The following RAB7A variants were observed in gnomAD, a reference collection of about 807,000 sequenced individuals.
RAB7A encodes ras-related protein Rab-7a.
A neutral mutation model predicts 24.5 loss-of-function variants in RAB7A; 2 were observed. The ratio of observed to expected loss-of-function variants is 0.08; its 90% CI spans 0.03 to 0.26. The LOEUF (loss-of-function observed/expected upper bound fraction) is 0.26. Among genes scored for constraint, RAB7A ranks in the 10% least tolerant of loss-of-function variants. RAB7A has a pLI of 1.00. For missense variants in RAB7A, 118 were observed against 255.7 expected, an observed-to-expected ratio of 0.46 and a Z score of 3.67; for synonymous variants, 100 against 95.9, an observed-to-expected ratio of 1.04 and a Z score of -0.25.
chr3:128,774,328 T>A (rs538675858), intron 1 of RAB7A, among the ~76,000 whole-genome samples: 2 of 152,046 alleles, frequency 1.3e-5, no homozygotes, highest in African/African-American at 2.4e-5. Context: ...ATGGCCAAAA[T>A]TTTTGATTCC....
intron 1 of RAB7A, among the ~76,000 whole-genome samples, chr3:128,768,863 G>C (rs532186792): frequency 1.3e-4 from 19 of 150,854 alleles, no homozygotes; most frequent in African/African-American, 4.4e-4. Context: ...CCAGCCTAAA[G>C]TGTGTGCAGT....
chr3:128,796,575 C>G (rs1371244024), intron 2 of RAB7A, among the ~76,000 whole-genome samples: 2 of 152,192 alleles, frequency 1.3e-5, no homozygotes, highest in African/African-American at 4.8e-5. Context: ...TGCAGGTATG[C>G]TTCTTTATTC....
chr3:128,801,693 G>A (rs993012096), intron 3 of RAB7A, among the ~76,000 whole-genome samples: 9 of 152,110 alleles, frequency 5.9e-5, no homozygotes, highest in Admixed American at 3.9e-4. Context: ...ATAAGTGAAA[G>A]TGAGAAGGTT....
chr3:128,755,578 T>C (rs1393379638), intron 1 of RAB7A, among the ~76,000 whole-genome samples: 1 of 152,166 alleles, frequency 6.6e-6, no homozygotes, highest in African/African-American at 2.4e-5. Context: ...GACAATCCCT[T>C]ACCTAGATTG....
At chr3:128,809,945 T>C (rs1160471064) in intron 5 of RAB7A, among the ~76,000 whole-genome samples, 2 of 83,362 alleles carry the variant, frequency 2.4e-5, no homozygotes, top group Non-Finnish European at 5.3e-5. Flanking sequence ...TCTTTTTTTT[T>C]TTTTTTTTTT....
intron 5 of RAB7A, among the ~76,000 whole-genome samples, chr3:128,810,161 G>T (rs1933895439): frequency 6.6e-6 from 1 of 151,448 alleles, no homozygotes; most frequent in African/African-American, 2.4e-5. Flanking sequence ...ATGTTGGCCA[G>T]GCTGGTCTGG....
chr3:128,788,267 G>C (rs1395083063), intron 1 of RAB7A, among the ~76,000 whole-genome samples: 1 of 152,208 alleles, frequency 6.6e-6, no homozygotes, highest in Non-Finnish European at 1.5e-5. Flanking sequence ...CTCTTGAAGT[G>C]AAAAGGTAAA....
At chr3:128,764,931 G>C (rs1344960575) in intron 1 of RAB7A, 4 of 1,593,192 alleles carry the variant, frequency 2.5e-6, no homozygotes, top group African/African-American at 1.3e-5. Context: ...AGGAGGCGTA[G>C]AGCTCCAGGT....
intron 5 of RAB7A, among the ~76,000 whole-genome samples, chr3:128,810,993 G>A (rs1933912491): frequency 6.6e-6 from 1 of 151,994 alleles, no homozygotes; most frequent in South Asian, 2.1e-4. Context: ...GGTGGAGGTT[G>A]CAGTGAGCCG....
intron 1 of RAB7A, among the ~76,000 whole-genome samples, chr3:128,779,424 G>A (rs573311090): frequency 6.6e-6 from 1 of 151,796 alleles, no homozygotes; most frequent in African/African-American, 2.4e-5. Context: ...AAAAAAAAGA[G>A]AGATTCATTG....
rs35457218 is a variant in RAB7A, at chr3:128,768,969, CTTTTTTTTTTTTTT to C, written c.-8-26378_-8-26365del. 7.7e-4 allele frequency among the ~76,000 whole-genome samples: 56 copies of C among 72,614 alleles called. 1 individual carries two copies. The East Asian group carries it at 0.023, about 30-fold the overall frequency. The allele number at this position is 72,614 out of a possible 152,430, so 47.6% of individuals were successfully genotyped here. On this transcript the variant is annotated intron_variant, in intron 1 of 5. Coordinates refer to ENST00000265062, the MANE Select transcript of RAB7A (RefSeq NM_004637.6). ...CTTTCCTTTTTTCTTTCTTTCTTTC[CTTTTTTTTTTTTTT>C]TTTTTTTTTTTTAAGGAAACAGGGT... is the stretch of plus-strand genomic sequence containing the variant.
chr3:128,806,883 G>C (rs982792290), intron 4 of RAB7A, among the ~76,000 whole-genome samples: 1 of 152,252 alleles, frequency 6.6e-6, no homozygotes, highest in Non-Finnish European at 1.5e-5. Flanking sequence ...GTCATTCTCA[G>C]TAGTGCCCTC....
Position 128,813,552 on chromosome 3 carries a change from C to A in RAB7A, c.*130C>A. ...CTCACATCCAGCTGCCAAAAGAAAA[C>A]CCCATCAAACACAGTTACACCCCAC... On this transcript the variant is annotated 3_prime_UTR_variant, in exon 6 of 6. Coordinates refer to ENST00000265062, the MANE Select transcript of RAB7A (RefSeq NM_004637.6). 1.2e-6 allele frequency: 1 copy of A among 815,892 alleles called. No homozygotes were observed. The highest frequency in any genetic ancestry group is 2.1e-6 in the Non-Finnish European group (1 of 483,510). 50.5% of individuals were successfully genotyped at this position (815,892 alleles called of 1,614,324 possible). A position where few individuals can be genotyped will look rare whatever the true frequency, so the allele number is the denominator to read the frequency against.
chr3:128,743,514 ATT>A (rs1025040343), intron 1 of RAB7A, among the ~76,000 whole-genome samples: 1 of 152,082 alleles, frequency 6.6e-6, no homozygotes, highest in Non-Finnish European at 1.5e-5. Context: ...TGCCTGACTA[ATT>A]TTTTTTGTAG....
intron 1 of RAB7A, among the ~76,000 whole-genome samples, chr3:128,789,239 A>G (rs1171334051): frequency 6.6e-6 from 1 of 150,912 alleles, no homozygotes; most frequent in African/African-American, 2.4e-5. Context: ...CTTCCTTTCT[A>G]CTCTGCTGGC....
intron 1 of RAB7A, chr3:128,749,417 G>T (rs1284305638): frequency 6.6e-6 from 1 of 152,248 alleles, no homozygotes; most frequent in Admixed American, 6.5e-5. Flanking sequence ...CTGGGTCTCA[G>T]TCAGAATATG....
At chr3:128,733,312 T>A (rs1455855046) in intron 1 of RAB7A, among the ~76,000 whole-genome samples, 2 of 152,214 alleles carry the variant, frequency 1.3e-5, no homozygotes, top group Non-Finnish European at 2.9e-5. Context: ...CTGTGTATTC[T>A]TGCGTATCTG....
chr3:128,747,854 G>A (rs1247208527), intron 1 of RAB7A, among the ~76,000 whole-genome samples: 5 of 151,144 alleles, frequency 3.3e-5, no homozygotes, highest in African/African-American at 1.2e-4. Flanking sequence ...TGCAACCTCC[G>A]CCTCATGGGC....
At position 128,788,503 on chromosome 3, in the gene RAB7A, A is replaced by G. The variant is rs150643721; in HGVS notation, c.-8-6857A>G. 2.1e-3 allele frequency among the ~76,000 whole-genome samples: 313 copies of G among 152,328 alleles called. No homozygotes were observed. In the Middle Eastern group the frequency reaches 0.031, roughly 15 times the overall value. ...TAGGTGGAAAACATGAACATCATCA[A>G]TGTGTCCTGACGGATGACAAGTTTG... On this transcript the variant is annotated intron_variant, in intron 1 of 5. Transcript: ENST00000265062.
Sources: allele counts gnomAD v4.1 joint callset (sites outside exome capture counted in the v4.1 genomes callset), GRCh38; gene constraint gnomAD v4.1.1; transcripts MANE v1.5; gene names NCBI Gene and HGNC (gene_info 2026-07-23, HGNC 2026-07-21).